The following UBE2Q2 variants were observed in gnomAD, a reference collection of about 807,000 sequenced individuals.
The protein encoded by UBE2Q2 is ubiquitin-conjugating enzyme E2 Q2.
A neutral mutation model predicts 59.9 loss-of-function variants in UBE2Q2; 54 were observed. That is an observed-to-expected ratio of 0.90 (90% CI 0.72 to 1.13). The LOEUF is 1.13. UBE2Q2 is among the 50% of genes most tolerant of loss of function. The pLI is 0.00. For synonymous variants in UBE2Q2, 165 were observed against 155.2 expected, an observed-to-expected ratio of 1.06 and a Z score of -0.47; for missense variants, 433 against 441.9, an observed-to-expected ratio of 0.98 and a Z score of 0.18.
intron 1 of UBE2Q2, among the ~76,000 whole-genome samples, chr15:75,850,949 ATAG>A (rs761765096): frequency 5.9e-5 from 9 of 152,240 alleles, no homozygotes; most frequent in Non-Finnish European, 1.3e-4. Context: ...AAAAAATAGA[ATAG>A]TAGCACAGTC....
At chr15:75,849,514 G>A (rs1336030618) in intron 1 of UBE2Q2, among the ~76,000 whole-genome samples, 1 of 152,190 alleles carries the variant, frequency 6.6e-6, no homozygotes, top group Non-Finnish European at 1.5e-5. Context: ...GATACAGAAA[G>A]TTACTTCTAA....
At chr15:75,879,693 A>C (rs1225870859) in intron 8 of UBE2Q2, among the ~76,000 whole-genome samples, 1 of 152,248 alleles carries the variant, frequency 6.6e-6, no homozygotes, top group African/African-American at 2.4e-5. Flanking sequence ...AAAGGGCCAC[A>C]GAACATAAAC....
At chr15:75,844,065 A>T (rs760865221) in intron 1 of UBE2Q2, 3 of 1,408,050 alleles carry the variant, frequency 2.1e-6, no homozygotes, top group Non-Finnish European at 2.8e-6. Context: ...GCTTCTCGCC[A>T]GGGGCTGGCT....
intron 1 of UBE2Q2, chr15:75,844,093 T>C: frequency 7.1e-7 from 1 of 1,414,166 alleles, no homozygotes; most frequent in East Asian, 2.6e-5. Context: ...TTCTGGCCCA[T>C]CTCGGTCCCC....
chr15:75,864,318 G>A (rs1038014318), intron 3 of UBE2Q2, among the ~76,000 whole-genome samples: 9 of 151,922 alleles, frequency 5.9e-5, no homozygotes, highest in Middle Eastern at 3.4e-3. Flanking sequence ...TTTGCCTCCC[G>A]TGGGACATTT....
At chr15:75,870,012 A>C (rs1340804396) in intron 4 of UBE2Q2, among the ~76,000 whole-genome samples, 1 of 152,112 alleles carries the variant, frequency 6.6e-6, no homozygotes, top group Non-Finnish European at 1.5e-5. Flanking sequence ...TTGATTTGGA[A>C]ATTTTTAATC....
chr15:75,886,349 GC>G (rs1898767476), intron 9 of UBE2Q2, among the ~76,000 whole-genome samples: 1 of 151,938 alleles, frequency 6.6e-6, no homozygotes, highest in South Asian at 2.1e-4. Context: ...CAAACTCCTG[GC>G]CTGAAGTGAT....
chr15:75,893,646 T>C (rs1189242001), intron 11 of UBE2Q2, among the ~76,000 whole-genome samples: 1 of 152,170 alleles, frequency 6.6e-6, no homozygotes, highest in African/African-American at 2.4e-5. Flanking sequence ...CAAGCATATA[T>C]GGACTATGGG....
intron 2 of UBE2Q2, among the ~76,000 whole-genome samples, chr15:75,858,357 G>GT (rs1048786579): frequency 3.9e-5 from 6 of 152,102 alleles, no homozygotes; most frequent in African/African-American, 1.4e-4. Context: ...TCAGCCCCGT[G>GT]TTTTTTCTCA....
At chr15:75,859,845 C>T in intron 2 of UBE2Q2, 33 bp from the exon 3 acceptor site, 1 of 1,508,362 alleles carries the variant, frequency 6.6e-7, no homozygotes, top group Non-Finnish European at 9.0e-7. Context: ...GGCTCTTTAA[C>T]ATAATGCTTA....
intron 1 of UBE2Q2, among the ~76,000 whole-genome samples, chr15:75,850,188 A>G (rs1399733550): frequency 2.6e-5 from 4 of 152,200 alleles, no homozygotes; most frequent in Non-Finnish European, 4.4e-5. Context: ...AATATGGAAA[A>G]CAAAACCTTC....
At position 75,873,415 on chromosome 15, in the gene UBE2Q2, C is replaced by T. The variant is rs1342952659; in HGVS notation, c.448-13C>T. ...ATAGGTTGAATAAGCTAACATTTTT[C>T]GTCTCTTTGTAGGATATAGAAGACT... On this transcript the variant is annotated splice_polypyrimidine_tract_variant and intron_variant, in intron 4 of 12. Coordinates refer to ENST00000267938, the MANE Select transcript of UBE2Q2 (RefSeq NM_173469.4). 8.9e-6 allele frequency: 14 copies of T among 1,565,800 alleles called. No individual in the cohort carries two copies. In the Admixed American group the frequency reaches 1.5e-4, roughly 16 times the overall value.
intron 2 of UBE2Q2, among the ~76,000 whole-genome samples, chr15:75,856,809 T>C (rs1396028387): frequency 1.3e-5 from 2 of 151,948 alleles, no homozygotes; most frequent in Non-Finnish European, 2.9e-5. Flanking sequence ...CCGGGTGTGG[T>C]GGCATGTACC....
chr15:75,848,640 A>G (rs932595091), intron 1 of UBE2Q2, among the ~76,000 whole-genome samples: 9 of 152,012 alleles, frequency 5.9e-5, no homozygotes, highest in African/African-American at 2.2e-4. Flanking sequence ...TTTTGTGAAT[A>G]GTATATCCCT....
At chr15:75,891,070 A>C in intron 11 of UBE2Q2, 56 bp downstream of exon 11, 3 of 1,368,706 alleles carry the variant, frequency 2.2e-6, no homozygotes, top group Non-Finnish European at 3.1e-6. Flanking sequence ...ATTACTTTAT[A>C]AGCTTTCTTC....
In UBE2Q2 at chr15:75,860,346, A is replaced by G. The variant is rs1040827753; in HGVS notation, c.387+364A>G. Among the ~76,000 whole-genome samples the G allele has an allele frequency of 1.4e-4, 21 of 152,298 alleles. 1 individual carries two copies. In the East Asian group the frequency reaches 3.3e-3, roughly 24 times the overall value. ...CTGTGCTTTTTAAAGACTAAACCAA[A>G]TGTTATCTCCTGCAAGCAACAGAAA... is the stretch of plus-strand genomic sequence containing the variant. On this transcript the variant is annotated intron_variant, in intron 3 of 12. Coordinates refer to ENST00000267938, the MANE Select transcript of UBE2Q2 (RefSeq NM_173469.4).
chr15:75,856,074 C>T (rs1445440812), intron 2 of UBE2Q2, among the ~76,000 whole-genome samples: 2 of 151,962 alleles, frequency 1.3e-5, no homozygotes, highest in Non-Finnish European at 2.9e-5. Context: ...GTAGTCCCAA[C>T]TACTGAGGAG....
At chr15:75,883,457 T>A in intron 9 of UBE2Q2, 33 bp downstream of exon 9, 1 of 1,587,086 alleles carries the variant, frequency 6.3e-7, no homozygotes, top group Non-Finnish European at 8.6e-7. Context: ...AAAGAAATTT[T>A]TTTCAGTTAA....
At position 75,873,428 on chromosome 15, in the gene UBE2Q2, G is replaced by C. The variant is rs1466546670; in HGVS notation, c.448G>C (p.Asp150His). The C allele has an allele frequency of 2.5e-6, 4 of 1,598,842 alleles. No homozygotes were observed. In the South Asian group the frequency reaches 4.6e-5, roughly 18 times the overall value. ...GCTAACATTTTTCGTCTCTTTGTAG[G>C]ATATAGAAGACTTAGATCACTATGA... ...EEEEEEEMAE[D>H]IEDLDHYEMK... The change falls in exon 5 of 13, where the codon GAT becomes CAT. Residue 150 changes from aspartate (D) to histidine (H), a missense_variant and splice_region_variant. Coordinates refer to ENST00000267938, the MANE Select transcript of UBE2Q2 (RefSeq NM_173469.4).
Sources: allele counts gnomAD v4.1 joint callset (sites outside exome capture counted in the v4.1 genomes callset), GRCh38; gene constraint gnomAD v4.1.1; transcripts MANE v1.5; gene names NCBI Gene and HGNC (gene_info 2026-07-23, HGNC 2026-07-21).